VLDLR: variants seen among roughly 807,000 people sequenced by gnomAD.
The protein encoded by VLDLR is very low density lipoprotein receptor, also known as very low-density lipoprotein receptor.
Under a neutral mutation model 112.7 loss-of-function variants are expected in VLDLR, and 81 were observed. The ratio of observed to expected loss-of-function variants is 0.72; its 90% CI spans 0.60 to 0.86. The LOEUF (loss-of-function observed/expected upper bound fraction) is 0.86, where lower values mean the gene tolerates loss of function less well. Among genes scored for constraint, VLDLR ranks in the 40% least tolerant of loss-of-function variants. The pLI is 0.00. For missense variants in VLDLR, 1,237 were observed against 1,099.4 expected (o/e 1.13, Z -1.77); for synonymous variants, 436 against 384.8 (o/e 1.13, Z -1.56).
At chr9:2,644,918 G>A in intron 8 of VLDLR, 39 bp from the exon 9 acceptor site, 3 of 1,614,122 alleles carry the variant, frequency 1.9e-6, no homozygotes, top group Non-Finnish European at 2.5e-6. Flanking sequence ...ACCTAGTAAG[G>A]TATAGGAGCA....
At chr9:2,632,029 A>AT (rs1171244711) in intron 1 of VLDLR, among the ~76,000 whole-genome samples, 1 of 152,108 alleles carries the variant, frequency 6.6e-6, no homozygotes, top group African/African-American at 2.4e-5. Context: ...AAAAGTGAGA[A>AT]TTTTTTGACG....
chr9:2,652,762 C>T lies in VLDLR; in HGVS notation c.2417-18C>T, dbSNP rs541172139. On this transcript the variant is annotated intron_variant, in intron 17 of 18. Coordinates refer to ENST00000382100, the MANE Select transcript of VLDLR (RefSeq NM_003383.5). ...ATACTAGACTTAGCTCACTTAGCTA[C>T]CCTCTGATTTTTTTCAGTGCTCTTA... 404 of 1,614,040 alleles carry T rather than the reference C, an allele frequency of 2.5e-4. 15 individuals carry two copies. The South Asian group carries it at 4.1e-3, about 17-fold the overall frequency.
chr9:2,644,153 G>GTTTTTTTTTTT (rs59793046), intron 7 of VLDLR, among the ~76,000 whole-genome samples, 194 bp downstream of exon 7: 14 of 96,384 alleles, frequency 1.5e-4, no homozygotes, highest in Admixed American at 3.3e-4. Context: ...TGTTTTTGTT[G>GTTTTTTTTTTT]TTTTTTTTTT....
At chr9:2,638,429 T>A (rs1427657879) in intron 2 of VLDLR, among the ~76,000 whole-genome samples, 1 of 152,228 alleles carries the variant, frequency 6.6e-6, no homozygotes, top group Admixed American at 6.5e-5. Context: ...GTTCATCAAA[T>A]TGTGAATTTT....
At chr9:2,634,681 C>G (rs1817523249) in intron 1 of VLDLR, among the ~76,000 whole-genome samples, 1 of 152,212 alleles carries the variant, frequency 6.6e-6, no homozygotes, top group Non-Finnish European at 1.5e-5. Context: ...TTCCTTTCCT[C>G]TCCTCTTTAA....
At chr9:2,622,480 G>A (rs550695327) in intron 1 of VLDLR, 2 of 465,816 alleles carry the variant, frequency 4.3e-6, no homozygotes, top group South Asian at 9.9e-5. Flanking sequence ...CGGGGTTCGG[G>A]GTGCCCCGAC....
intron 11 of VLDLR, among the ~76,000 whole-genome samples, chr9:2,647,177 G>T (rs1294035285): frequency 6.6e-6 from 1 of 152,168 alleles, no homozygotes; most frequent in Non-Finnish European, 1.5e-5. Context: ...TTTGAAGGAT[G>T]TTCGTCTTGC....
At position 2,645,040 on chromosome 9, in the gene VLDLR, G is replaced by C; in HGVS notation, c.1270G>C (p.Gly424Arg). The C allele has an allele frequency of 6.2e-7, 1 of 1,614,176 alleles. No homozygotes were observed. The highest frequency in any genetic ancestry group is 8.5e-7 in the Non-Finnish European group (1 of 1,180,024). ...KGGYKCECSR[G>R]YQMDLATGVC... ...CGGTTACAAGTGTGAATGTAGTCGTGGCTATCAAATGGATCTTGCTACTGG... is the reference window on the plus strand; with the variant it reads ...CGGTTACAAGTGTGAATGTAGTCGTCGCTATCAAATGGATCTTGCTACTGG... The change falls in exon 9 of 19, where the codon GGC becomes CGC. Residue 424 changes from glycine (G) to arginine (R), a missense_variant. By Grantham distance (125) the Gly-to-Arg change is moderately radical (BLOSUM62 -2). Coordinates refer to ENST00000382100, the MANE Select transcript of VLDLR (RefSeq NM_003383.5).
intron 2 of VLDLR, among the ~76,000 whole-genome samples, chr9:2,639,657 A>G (rs530870012): frequency 6.6e-6 from 1 of 152,328 alleles, no homozygotes; most frequent in African/African-American, 2.4e-5. Flanking sequence ...AGTTTCCTCC[A>G]AGTCTCTCAA....
In VLDLR at chr9:2,648,293, A is replaced by G; in HGVS notation, c.1908A>G (p.Ile636Met). ...SVDLNGQDRR[I>M]VLKSLEFLAH... is the part of the protein sequence containing the mutation. ...ACTTGAATGGCCAAGATCGTAGGAT[A>G]GTACTAAAGTCTCTGGAGTTCCTAG... The change falls in exon 13 of 19, where the codon ATA becomes ATG. Residue 636 changes from isoleucine to methionine, a missense_variant. By Grantham distance (10) the Ile-to-Met change is conservative. Coordinates refer to ENST00000382100, the MANE Select transcript of VLDLR (RefSeq NM_003383.5). The G allele has an allele frequency of 6.2e-7, 1 of 1,614,230 alleles. No individual in the cohort carries two copies. Among genetic ancestry groups the G allele is most frequent in the Non-Finnish European group, 8.5e-7 (1 of 1,180,018 alleles).
chr9:2,649,225 G>A lies in VLDLR; in HGVS notation c.2104+415G>A, dbSNP rs79655577. Among the ~76,000 whole-genome samples, 303 of 152,240 alleles carry A rather than the reference G, an allele frequency of 2.0e-3. 1 individual carries two copies. Among genetic ancestry groups the A allele is most frequent in the African/African-American group, 7.2e-3 (300 of 41,534 alleles). On this transcript the variant is annotated intron_variant, in intron 14 of 18. Coordinates refer to ENST00000382100, the MANE Select transcript of VLDLR (RefSeq NM_003383.5). Reference sequence around the variant, plus strand: ...AATTTATTGTCTCAAAACTCTGGAGGCCAGAAGTTTGAAATCAAGGTGCCA... The same window carrying A: ...AATTTATTGTCTCAAAACTCTGGAGACCAGAAGTTTGAAATCAAGGTGCCA...
intron 14 of VLDLR, among the ~76,000 whole-genome samples, 181 bp from the exon 15 acceptor site, chr9:2,650,189 G>A (rs544281391): frequency 1.5e-3 from 232 of 152,232 alleles, no homozygotes; most frequent in Middle Eastern, 0.014. Flanking sequence ...TGTCCTTAGA[G>A]CATGCTGCCT....
Position 2,654,082 on chromosome 9 carries a change from C to A in VLDLR, c.*214C>A. ...CTACTTCAGCTTTGGATGTGGTTAC[C>A]GAGTATCTGTAACCCTTGAATTTCT... On this transcript the variant is annotated 3_prime_UTR_variant, in exon 19 of 19. Coordinates refer to ENST00000382100, the MANE Select transcript of VLDLR (RefSeq NM_003383.5). 1 of 556,900 alleles carries A rather than the reference C, an allele frequency of 1.8e-6. No individual in the cohort carries two copies. Among genetic ancestry groups the A allele is most frequent in the Non-Finnish European group, 3.2e-6 (1 of 310,330 alleles). 34.5% of individuals were successfully genotyped at this position (556,900 alleles called of 1,614,324 possible).
chr9:2,629,948 A>G (rs1162242560), intron 1 of VLDLR, among the ~76,000 whole-genome samples: 1 of 152,040 alleles, frequency 6.6e-6, no homozygotes, highest in Non-Finnish European at 1.5e-5. Flanking sequence ...AGGTGTGTGT[A>G]ATGCCTGGCT....
chr9:2,624,721 A>T (rs1817010351), intron 1 of VLDLR, among the ~76,000 whole-genome samples: 1 of 152,244 alleles, frequency 6.6e-6, no homozygotes, highest in Non-Finnish European at 1.5e-5. Flanking sequence ...ACTGGTTGGC[A>T]TGGAAAGTAA....
At position 2,655,147 on chromosome 9, in the gene VLDLR, T is replaced by G. The variant is rs910152512; in HGVS notation, c.*1279T>G. 6.6e-6 allele frequency: 1 copy of G among 152,224 alleles called. No individual in the cohort carries two copies. Among genetic ancestry groups the G allele is most frequent in the African/African-American group, 2.4e-5 (1 of 41,462 alleles). The allele number at this position is 152,224 out of a possible 1,614,324, so 9.4% of individuals were successfully genotyped here. ...TAAACTAAAGCTTAAAAACCACCGTTTTACTGTGACTTCATGAAGAATATA... is the reference window on the plus strand; with the variant it reads ...TAAACTAAAGCTTAAAAACCACCGTGTTACTGTGACTTCATGAAGAATATA... On this transcript the variant is annotated 3_prime_UTR_variant, in exon 19 of 19. Coordinates refer to ENST00000382100, the MANE Select transcript of VLDLR (RefSeq NM_003383.5).
Position 2,656,563 on chromosome 9 carries a change from A to T in VLDLR, c.*2695A>T, listed in dbSNP as rs1276684747. Reference sequence around the variant, plus strand: ...TCACCCAAAAAATAACTTGAATTCTATGTGAAATGTGTTAGGATAAGTTTG... The same window carrying T: ...TCACCCAAAAAATAACTTGAATTCTTTGTGAAATGTGTTAGGATAAGTTTG... On this transcript the variant is annotated 3_prime_UTR_variant, in exon 19 of 19. Coordinates refer to ENST00000382100, the MANE Select transcript of VLDLR (RefSeq NM_003383.5). 2 of 152,214 alleles carry T rather than the reference A, an allele frequency of 1.3e-5. No individual in the cohort carries two copies. Among genetic ancestry groups the T allele is most frequent in the East Asian group, 3.8e-4 (2 of 5,202 alleles). The allele number at this position is 152,214 out of a possible 1,614,324, so 9.4% of individuals were successfully genotyped here.
At chr9:2,633,398 G>C (rs1817456597) in intron 1 of VLDLR, among the ~76,000 whole-genome samples, 2 of 152,028 alleles carry the variant, frequency 1.3e-5, no homozygotes, top group South Asian at 4.2e-4. Flanking sequence ...CTTAATCCCA[G>C]GCCACTCTGA....
chr9:2,651,788 C>A, intron 16 of VLDLR, 86 bp from the exon 17 acceptor site: 1 of 1,447,788 alleles, frequency 6.9e-7, no homozygotes, highest in Non-Finnish European at 9.7e-7. Context: ...ATATTGGATG[C>A]AAAGGTTTTG....
Sources: allele counts gnomAD v4.1 joint callset (sites outside exome capture counted in the v4.1 genomes callset), GRCh38; gene constraint gnomAD v4.1.1; transcripts MANE v1.5; gene names NCBI Gene and HGNC (gene_info 2026-07-23, HGNC 2026-07-21).